The following DAB1 variants were observed in gnomAD, a reference collection of about 807,000 sequenced individuals.
The protein encoded by DAB1 is DAB adaptor protein 1.
DAB1 carries 15 observed loss-of-function variants against 64.6 expected under a neutral mutation model. The ratio of observed to expected loss-of-function variants is 0.23; its 90% CI spans 0.16 to 0.36. DAB1 has a LOEUF of 0.36. Among genes scored for constraint, DAB1 ranks in the 10% least tolerant of loss-of-function variants. The pLI, the probability that DAB1 is intolerant of heterozygous loss-of-function variation, is 1.00. For synonymous variants in DAB1, 235 were observed against 251.9 expected (o/e 0.93, Z 0.64); for missense variants, 596 against 706.7 (o/e 0.84, Z 1.78).
chr1:58,240,332 C>T (rs1032650041), intron 4 of DAB1, among the ~76,000 whole-genome samples: 1 of 152,188 alleles, frequency 6.6e-6, no homozygotes, highest in Non-Finnish European at 1.5e-5. Context: ...CAGGCCTTCT[C>T]CTGACTTCTT....
At chr1:58,436,529 G>A (rs1644946522) in intron 3 of DAB1, among the ~76,000 whole-genome samples, 1 of 152,118 alleles carries the variant, frequency 6.6e-6, no homozygotes, top group Admixed American at 6.5e-5. Flanking sequence ...CTCACTCCAT[G>A]CCATGGAGAT....
At chr1:58,139,812 T>G (rs1654174468) in intron 5 of DAB1, among the ~76,000 whole-genome samples, 1 of 152,228 alleles carries the variant, frequency 6.6e-6, no homozygotes. Context: ...CAAACTTACC[T>G]ATAAAATGGT....
At chr1:58,458,619 C>T (rs1170713394) in intron 3 of DAB1, among the ~76,000 whole-genome samples, 1 of 152,200 alleles carries the variant, frequency 6.6e-6, no homozygotes, top group Admixed American at 6.5e-5. Context: ...GCCTGGCCAA[C>T]ATGGCAAGAC....
chr1:58,210,824 T>C (rs931514825), intron 4 of DAB1, among the ~76,000 whole-genome samples: 1 of 152,170 alleles, frequency 6.6e-6, no homozygotes, highest in East Asian at 1.9e-4. Flanking sequence ...GACCAAGTAC[T>C]TAATGAGAAA....
chr1:57,487,739 A>C (rs1049726980), intron 7 of DAB1, among the ~76,000 whole-genome samples: 1 of 152,206 alleles, frequency 6.6e-6, no homozygotes, highest in African/African-American at 2.4e-5. Context: ...TTTTGTAGGT[A>C]CACTCTATGA....
intron 2 of DAB1, among the ~76,000 whole-genome samples, chr1:57,272,817 A>G: frequency 6.6e-6 from 1 of 152,144 alleles, no homozygotes; most frequent in East Asian, 1.9e-4. Context: ...CAGCCTTCCT[A>G]GCACAGTGGG....
intron 5 of DAB1, among the ~76,000 whole-genome samples, chr1:58,116,397 T>C (rs754980731): frequency 6.6e-6 from 1 of 152,242 alleles, no homozygotes; most frequent in Non-Finnish European, 1.5e-5. Context: ...GATTTGTTGC[T>C]ACACACATTC....
At chr1:57,323,713 T>C (rs562855186) in intron 1 of DAB1, among the ~76,000 whole-genome samples, 5 of 152,294 alleles carry the variant, frequency 3.3e-5, no homozygotes, top group Admixed American at 2.0e-4. Flanking sequence ...AAAAATTACA[T>C]CTTTTTAAAA....
chr1:57,880,786 AAT>A (rs1644132051), intron 1 of DAB1: 1 of 152,228 alleles, frequency 6.6e-6, no homozygotes, highest in Admixed American at 6.5e-5. Context: ...ATTTTAAAAG[AAT>A]ATGTTTGCAA....
rs1457412446 is a variant in DAB1 at position 58,511,588 on chromosome 1, C to T, written n.108-5379G>A. Among the ~76,000 whole-genome samples, 3 of 152,032 alleles carry T rather than the reference C, an allele frequency of 2.0e-5. No individual in the cohort carries two copies. In the East Asian group the frequency reaches 5.8e-4, roughly 29 times the overall value. On this transcript the variant is annotated intron_variant and non_coding_transcript_variant, in intron 2 of 20. Coordinates refer to the DAB1 transcript ENST00000485760. ...AGGCTAGAGTAAGCTGTGATCACATCACTGCACTCTAGCCTGGGTAACAGA... is the reference window on the plus strand; with the variant it reads ...AGGCTAGAGTAAGCTGTGATCACATTACTGCACTCTAGCCTGGGTAACAGA...
intron 1 of DAB1, among the ~76,000 whole-genome samples, chr1:57,400,118 T>A (rs529718534): frequency 2.0e-5 from 3 of 152,290 alleles, no homozygotes; most frequent in Admixed American, 6.5e-5. Context: ...TCACTACTAC[T>A]TGGCAACGCA....
intron 6 of DAB1, among the ~76,000 whole-genome samples, chr1:57,713,003 G>T (rs972447456): frequency 6.6e-6 from 1 of 152,152 alleles, no homozygotes; most frequent in Non-Finnish European, 1.5e-5. Context: ...TGACAGAGAT[G>T]AAACAGTTTT....
intron 1 of DAB1, among the ~76,000 whole-genome samples, chr1:57,415,211 A>G (rs1684397197): frequency 6.6e-6 from 1 of 151,368 alleles, no homozygotes; most frequent in Admixed American, 6.6e-5. Flanking sequence ...ATTTTTCCAT[A>G]TGAAAGAAAA....
At chr1:58,131,623 T>C (rs6689255) in intron 5 of DAB1, among the ~76,000 whole-genome samples, 4,055 of 105,446 alleles carry the variant, frequency 0.038, 228 homozygotes, top group African/African-American at 0.11. Flanking sequence ...TGGTGATGTA[T>C]AGATGGGTTT....
In DAB1 at chr1:58,022,207, T is replaced by C. The variant is rs549293555; in HGVS notation, n.387+128304A>G. ...CATTACTCCAGGGCTTTCCAAGACA[T>C]TGAGTGCCAACCCATTGCACAAAGC... On this transcript the variant is annotated intron_variant and non_coding_transcript_variant, in intron 5 of 20. Coordinates refer to the DAB1 transcript ENST00000485760. Among the ~76,000 whole-genome samples, 48 of 152,308 alleles carry C rather than the reference T, an allele frequency of 3.2e-4. No individual in the cohort carries two copies. In the South Asian group the frequency reaches 3.3e-3, roughly 11 times the overall value.
At chr1:58,032,805 A>G (rs1227082946) in intron 5 of DAB1, among the ~76,000 whole-genome samples, 2 of 152,194 alleles carry the variant, frequency 1.3e-5, no homozygotes, top group Non-Finnish European at 2.9e-5. Context: ...CTTTAGCACA[A>G]CTTGGCATGG....
At chr1:57,855,114 C>G (rs916739410) in intron 1 of DAB1, among the ~76,000 whole-genome samples, 1 of 152,056 alleles carries the variant, frequency 6.6e-6, no homozygotes, top group African/African-American at 2.4e-5. Flanking sequence ...GATTTCTCAT[C>G]TGAAAGAAAG....
intron 4 of DAB1, among the ~76,000 whole-genome samples, chr1:58,335,471 G>A (rs1663090255): frequency 6.6e-6 from 1 of 152,210 alleles, no homozygotes; most frequent in African/African-American, 2.4e-5. Context: ...GTAGACTGGA[G>A]CAAGGCAAGT....
chr1:57,218,428 C>T (rs1666587356), intron 2 of DAB1, among the ~76,000 whole-genome samples: 2 of 148,996 alleles, frequency 1.3e-5, no homozygotes, highest in Admixed American at 1.3e-4. Flanking sequence ...CATCTGCAAT[C>T]CCAAACTTTG....
Sources: gnomAD v4.1 joint callset for allele counts (sites outside exome capture counted in the v4.1 genomes callset) on GRCh38, gnomAD v4.1.1 for gene constraint, MANE v1.5 for transcripts, NCBI Gene and HGNC (gene_info 2026-07-23, HGNC 2026-07-21) for gene names.